KIAA2012: variants seen among roughly 807,000 people sequenced by gnomAD.
KIAA2012 encodes uncharacterized protein KIAA2012.
KIAA2012 carries 125 observed loss-of-function variants against 150.6 expected under a neutral mutation model. The ratio of observed to expected loss-of-function variants is 0.83; its 90% confidence interval spans 0.72 to 0.96. The LOEUF is 0.96. Among genes scored for constraint, KIAA2012 ranks in the 40% least tolerant of loss-of-function variants. The probability of loss-of-function intolerance (pLI) is 0.00; values close to 1 mark genes in which losing one functional copy is unlikely to be tolerated. For missense variants in KIAA2012, 1,219 were observed against 1,354.9 expected, an observed-to-expected ratio of 0.90 and a Z score of 1.57; for synonymous variants, 462 against 504.7, an observed-to-expected ratio of 0.92 and a Z score of 1.13.
intron 2 of KIAA2012, among the ~76,000 whole-genome samples, chr2:202,084,403 C>G (rs1018314046): frequency 6.6e-6 from 1 of 152,218 alleles, no homozygotes; most frequent in African/African-American, 2.4e-5. Context: ...CCCTTCATGC[C>G]TCTGCATTCA....
intron 15 of KIAA2012, among the ~76,000 whole-genome samples, chr2:202,170,536 C>T (rs1013473043): frequency 1.3e-5 from 2 of 152,208 alleles, no homozygotes; most frequent in Admixed American, 6.5e-5. Flanking sequence ...AGTTTCATAG[C>T]CTTCATGGTT....
intron 14 of KIAA2012, among the ~76,000 whole-genome samples, chr2:202,157,868 G>T (rs1691560709): frequency 6.6e-6 from 1 of 152,074 alleles, no homozygotes; most frequent in South Asian, 2.1e-4. Flanking sequence ...CCATTCCTAT[G>T]GACACATTCC....
At chr2:202,168,383 C>T (rs1691816610) in intron 15 of KIAA2012, among the ~76,000 whole-genome samples, 1 of 134,418 alleles carries the variant, frequency 7.4e-6, no homozygotes, top group African/African-American at 2.9e-5. Flanking sequence ...TGTGCCACTG[C>T]ATTCCAGCCT....
At chr2:202,189,476 G>C (rs1213795192) in intron 18 of KIAA2012, among the ~76,000 whole-genome samples, 3 of 151,846 alleles carry the variant, frequency 2.0e-5, no homozygotes, top group African/African-American at 7.3e-5. Flanking sequence ...ATTTTTAGTA[G>C]AGACAGGGTT....
At chr2:202,137,730 T>A (rs1317963242) in intron 12 of KIAA2012, 1 of 152,228 alleles carries the variant, frequency 6.6e-6, no homozygotes, top group Non-Finnish European at 1.5e-5. Context: ...AAAACCTCAC[T>A]AGTGGTACAA....
intron 14 of KIAA2012, among the ~76,000 whole-genome samples, chr2:202,157,956 T>C (rs1437019166): frequency 1.3e-5 from 2 of 152,126 alleles, no homozygotes; most frequent in Non-Finnish European, 2.9e-5. Flanking sequence ...GTGGAGACAA[T>C]ATAAAGCTTT....
chr2:202,162,814 C>T (rs1691683940), intron 14 of KIAA2012, among the ~76,000 whole-genome samples: 1 of 150,668 alleles, frequency 6.6e-6, no homozygotes, highest in Admixed American at 6.6e-5. Context: ...CCTATAGTCC[C>T]AGCTACTTGG....
intron 10 of KIAA2012, among the ~76,000 whole-genome samples, chr2:202,112,036 A>G (rs1279526227): frequency 1.3e-5 from 2 of 152,190 alleles, no homozygotes; most frequent in Non-Finnish European, 2.9e-5. Context: ...TTACTAAGCT[A>G]AAACTCTTGG....
At chr2:202,184,992 G>A (rs1406497713) in intron 16 of KIAA2012, 149 bp downstream of exon 16, 3 of 591,222 alleles carry the variant, frequency 5.1e-6, no homozygotes, top group Non-Finnish European at 8.8e-6. Context: ...GGTTGTCTAA[G>A]AAACAAAGAT....
intron 15 of KIAA2012, among the ~76,000 whole-genome samples, chr2:202,166,953 A>G (rs1245093697): frequency 6.6e-6 from 1 of 152,144 alleles, no homozygotes; most frequent in Non-Finnish European, 1.5e-5. Context: ...CGGGCAGATC[A>G]CAAGGTCAGG....
chr2:202,184,613 T>C (rs2105741792), intron 15 of KIAA2012, 140 bp from the exon 16 acceptor site: 1 of 486,440 alleles, frequency 2.1e-6, no homozygotes, highest in East Asian at 3.5e-5. Flanking sequence ...AAGTATTTGC[T>C]AATTTTCTGG....
chr2:202,073,407 C>T lies in KIAA2012; in HGVS notation c.-221C>T, dbSNP rs1427063784. ...CCAGGGCTTGAGGAGGCTGGCTGTG[C>T]GGTTTATTTTTTCTCTCCACAAAGA... On this transcript the variant is annotated 5_prime_UTR_variant, in exon 1 of 24. Transcript: ENST00000498697. The T allele has an allele frequency of 8.4e-6, 4 of 475,746 alleles. No individual in the cohort carries two copies. Among genetic ancestry groups the T allele is most frequent in the Non-Finnish European group, 1.5e-5 (4 of 264,838 alleles). The allele number at this position is 475,746 out of a possible 1,614,324, so 29.5% of individuals were successfully genotyped here. A position where few individuals can be genotyped will look rare whatever the true frequency, so the allele number is the denominator to read the frequency against.
chr2:202,109,851 C>A, intron 10 of KIAA2012, 62 bp downstream of exon 10: 1 of 1,398,124 alleles, frequency 7.2e-7, no homozygotes, highest in South Asian at 1.5e-5. Flanking sequence ...ATTGCCAGGG[C>A]CGCATGGCTG....
chr2:202,093,641 C>T (rs1689790879), intron 4 of KIAA2012, among the ~76,000 whole-genome samples: 1 of 152,068 alleles, frequency 6.6e-6, no homozygotes, highest in African/African-American at 2.4e-5. Flanking sequence ...GGATTTAGAG[C>T]CAGAAATGTG....
chr2:202,099,746 A>C lies in KIAA2012; in HGVS notation c.962A>C (p.His321Pro). 1 of 1,550,572 alleles carries C rather than the reference A, an allele frequency of 6.4e-7. No individual in the cohort carries two copies. Among genetic ancestry groups the C allele is most frequent in the South Asian group, 1.2e-5 (1 of 84,052 alleles). Reference sequence around the variant, plus strand: ...TCTTGGCTCCCAAGTGACAAATCCCACATTACATTCTGTGGAGGCGCCTTC... The same window carrying C: ...TCTTGGCTCCCAAGTGACAAATCCCCCATTACATTCTGTGGAGGCGCCTTC... ...DHSWLPSDKS[H>P]ITFCGGAFPN... Residue 321 changes from histidine to proline, a missense_variant, in exon 6 of 24, where the codon CAC (histidine) becomes CCC (proline). Transcript: ENST00000498697.
Position 202,202,464 on chromosome 2 carries a change from A to G in KIAA2012, c.3443A>G (p.Tyr1148Cys). The change falls in exon 23 of 24, where the codon TAT becomes TGT. Residue 1148 changes from tyrosine to cysteine, a missense_variant. Tyr to Cys is a radical substitution (Grantham distance 194). Transcript: ENST00000498697. ...GCTTTGGAGAAACATTTTCATTTCTATCAAGAACTCCATAAGGAAGCCAGT... is the reference window on the plus strand; with the variant it reads ...GCTTTGGAGAAACATTTTCATTTCTGTCAAGAACTCCATAAGGAAGCCAGT... ...KAALEKHFHF[Y>C]QELHKEASGL... 2 of 399,646 alleles carry G rather than the reference A, an allele frequency of 5.0e-6. No individual in the cohort carries two copies. Among genetic ancestry groups the G allele is most frequent in the Non-Finnish European group, 8.8e-6 (2 of 226,554 alleles). The allele number at this position is 399,646 out of a possible 1,614,324, so 24.8% of individuals were successfully genotyped here. A position where few individuals can be genotyped will look rare whatever the true frequency, so the allele number is the denominator to read the frequency against.
chr2:202,125,043 G>A lies in KIAA2012; in HGVS notation c.1763-171G>A, dbSNP rs546280016. Among the ~76,000 whole-genome samples the A allele has an allele frequency of 4.6e-4, 70 of 152,268 alleles. No homozygotes were observed. The South Asian group carries it at 0.014, about 30-fold the overall frequency. Reference sequence around the variant, plus strand: ...CGAGATCGTGCCACTGCACTATAGCGTGGGCAGCAGAAAGAGACTCCATCT... The same window carrying A: ...CGAGATCGTGCCACTGCACTATAGCATGGGCAGCAGAAAGAGACTCCATCT... On this transcript the variant is annotated intron_variant, in intron 11 of 23. Coordinates refer to ENST00000498697, the MANE Select transcript of KIAA2012 (RefSeq NM_001277372.4).
At position 202,190,284 on chromosome 2, in the gene KIAA2012, C is replaced by A. The variant is rs1692301778; in HGVS notation, c.2602C>A (p.Pro868Thr). The change falls in exon 19 of 24, where the codon CCT (proline) becomes ACT (threonine). Residue 868 changes from proline to threonine, a missense_variant. Physicochemically the swap from Pro to Thr is conservative, Grantham distance 38 (BLOSUM62 -1). Coordinates refer to ENST00000498697, the MANE Select transcript of KIAA2012 (RefSeq NM_001277372.4). ...NLEIAAELSG[P>T]DVSYEETEDT... ...GGAGATAGCGGCAGAGCTGAGCGGG[C>A]CTGATGTCAGCTATGAGGAAACAGA... 6.5e-7 allele frequency: 1 copy of A among 1,550,328 alleles called. No individual in the cohort carries two copies. The highest frequency in any genetic ancestry group is 1.4e-5 in the African/African-American group (1 of 72,986).
intron 12 of KIAA2012, chr2:202,137,174 G>C (rs1448573155): frequency 1.3e-5 from 2 of 152,190 alleles, no homozygotes; most frequent in Non-Finnish European, 2.9e-5. Context: ...TCCTAAAAGA[G>C]CTACTTATGA....
Sources: allele counts gnomAD v4.1 joint callset (sites outside exome capture counted in the v4.1 genomes callset), GRCh38; gene constraint gnomAD v4.1.1; transcripts MANE v1.5; gene names NCBI Gene and HGNC (gene_info 2026-07-23, HGNC 2026-07-21).